ANOS1: variants seen among roughly 807,000 people sequenced by gnomAD.
The protein encoded by ANOS1 is anosmin 1, also known as anosmin-1.
In ANOS1, 6 loss-of-function variants were observed where a neutral mutation model predicts 59.0. That is an observed-to-expected ratio of 0.10 (90% confidence interval 0.06 to 0.20). The LOEUF (loss-of-function observed/expected upper bound fraction) is 0.20, where lower values mean the gene tolerates loss of function less well. ANOS1 is among the 10% of genes least tolerant of loss of function. The probability of loss-of-function intolerance (pLI) is 1.00; values close to 1 mark genes in which losing one functional copy is unlikely to be tolerated. For missense variants in ANOS1, 433 were observed against 542.3 expected (o/e 0.80, Z 2.00); for synonymous variants, 217 against 223.4 (o/e 0.97, Z 0.25).
At chrX:8,534,079 A>AGAGG (rs1225843968) in intron 13 of ANOS1, among the ~76,000 whole-genome samples, 1 of 108,791 alleles carries the variant, frequency 9.2e-6, no homozygotes, top group African/African-American at 3.3e-5. Context: ...AAAGCGGGGA[A>AGAGG]GAGGGAGGGA....
Position 8,529,167 on chromosome X carries a change from T to C in ANOS1, c.*3828A>G, listed in dbSNP as rs1601942362. ...ATCTGCACACTACAATATAATTAAG[T>C]AAAGGGGAAAAGTAACTTTATATAG... On this transcript the variant is annotated 3_prime_UTR_variant, in exon 14 of 14. Transcript: ENST00000262648. The C allele has an allele frequency of 9.0e-6, 1 of 110,934 alleles. No individual in the cohort carries two copies. The highest frequency in any genetic ancestry group is 3.8e-4 in the South Asian group (1 of 2,666). The allele number at this position is 110,934 out of a possible 1,213,427, so 9.1% of individuals were successfully genotyped here. A position where few individuals can be genotyped will look rare whatever the true frequency, so the allele number is the denominator to read the frequency against.
intron 2 of ANOS1, among the ~76,000 whole-genome samples, chrX:8,650,017 G>A (rs1378502433): frequency 8.9e-6 from 1 of 112,912 alleles, no homozygotes; most frequent in African/African-American, 3.2e-5. Flanking sequence ...AGAAGTGACA[G>A]GCTTTATATT....
At chrX:8,664,728 T>C (rs17316189) in intron 2 of ANOS1, among the ~76,000 whole-genome samples, 2,014 of 111,069 alleles carry the variant, frequency 0.018, 51 homozygotes, top group African/African-American at 0.063. Context: ...GACACAAGGG[T>C]ACCCCACGGT....
chrX:8,615,593 A>C (rs1356305684), intron 3 of ANOS1, among the ~76,000 whole-genome samples: 3 of 110,265 alleles, frequency 2.7e-5, no homozygotes, highest in Non-Finnish European at 5.7e-5. Flanking sequence ...TCTATGTGTC[A>C]GTCACTCCAG....
At chrX:8,711,693 T>G (rs969571920) in intron 1 of ANOS1, among the ~76,000 whole-genome samples, 1 of 112,593 alleles carries the variant, frequency 8.9e-6, no homozygotes, top group Non-Finnish European at 1.9e-5. Flanking sequence ...ACCTGGAGGT[T>G]GATTAATCCC....
At chrX:8,622,699 G>A (rs770271777) in intron 3 of ANOS1, among the ~76,000 whole-genome samples, 12 of 112,143 alleles carry the variant, frequency 1.1e-4, no homozygotes, top group Non-Finnish European at 2.3e-4. Context: ...CACTGTCCTT[G>A]GAATCCTTGG....
chrX:8,623,076 C>A (rs768489945), intron 3 of ANOS1, among the ~76,000 whole-genome samples: 6 of 86,673 alleles, frequency 6.9e-5, no homozygotes, highest in South Asian at 1.1e-3. Flanking sequence ...GGATGGCTTG[C>A]TGGCTGGCTG....
chrX:8,563,098 T>C (rs1010303422), intron 8 of ANOS1, among the ~76,000 whole-genome samples: 1 of 112,342 alleles, frequency 8.9e-6, no homozygotes, highest in African/African-American at 3.2e-5. Flanking sequence ...GTATCCTACA[T>C]AATCCGTTGA....
At chrX:8,594,727 C>CATATATAT (rs1930699288) in intron 4 of ANOS1, among the ~76,000 whole-genome samples, 2 of 38,103 alleles carry the variant, frequency 5.2e-5, no homozygotes, top group Admixed American at 3.1e-4. Flanking sequence ...TATATATCTA[C>CATATATAT]ATATATATGT....
intron 5 of ANOS1, 64 bp downstream of exon 5, chrX:8,587,730 G>A (rs1930542104): frequency 1.1e-6 from 1 of 920,617 alleles, no homozygotes; most frequent in Middle Eastern, 2.8e-4. Context: ...TTAATTTTTT[G>A]TGCGTAGCTA....
chrX:8,642,884 G>T (rs1171470196), intron 2 of ANOS1, among the ~76,000 whole-genome samples: 1 of 111,897 alleles, frequency 8.9e-6, no homozygotes, highest in African/African-American at 3.2e-5. Context: ...GAGCCATATA[G>T]CAGCAATTAC....
intron 4 of ANOS1, among the ~76,000 whole-genome samples, chrX:8,588,551 T>G (rs1930561676): frequency 8.9e-6 from 1 of 112,206 alleles, no homozygotes; most frequent in Non-Finnish European, 1.9e-5. Flanking sequence ...GTTCAAGTCT[T>G]TTGGATTCCG....
intron 3 of ANOS1, among the ~76,000 whole-genome samples, chrX:8,608,048 C>T (rs1293150369): frequency 8.9e-6 from 1 of 111,767 alleles, no homozygotes; most frequent in Non-Finnish European, 1.9e-5. Flanking sequence ...GAAACAAATA[C>T]AGCCTGTCCC....
chrX:8,710,016 C>T (rs1397450838), intron 1 of ANOS1, among the ~76,000 whole-genome samples: 1 of 111,242 alleles, frequency 9.0e-6, no homozygotes, highest in African/African-American at 3.3e-5. Context: ...CTGCAAGCTC[C>T]GTCTCCTGGG....
At chrX:8,567,823 AAACAAC>A (rs200740864) in intron 8 of ANOS1, among the ~76,000 whole-genome samples, 1 of 111,536 alleles carries the variant, frequency 9.0e-6, no homozygotes, top group Non-Finnish European at 1.9e-5. Flanking sequence ...AAACAAAACA[AAACAAC>A]AACAACAACA....
chrX:8,694,018 G>A (rs1162398790), intron 2 of ANOS1, among the ~76,000 whole-genome samples: 1 of 111,309 alleles, frequency 9.0e-6, no homozygotes, highest in African/African-American at 3.3e-5. Context: ...CACCGCCCCA[G>A]GCTGGAATAT....
At position 8,611,704 on chromosome X, in the gene ANOS1, TA is replaced by T. The variant is rs766817177; in HGVS notation, c.318+11903del. 9.6e-3 allele frequency among the ~76,000 whole-genome samples: 1,038 copies of T among 108,383 alleles called. 23 individuals are homozygous for T. Among genetic ancestry groups the T allele is most frequent in the African/African-American group, 0.03 (888 of 30,021 alleles). The allele number at this position is 108,383 out of a possible 115,157, so 94.1% of individuals were successfully genotyped here. A position where few individuals can be genotyped will look rare whatever the true frequency, so the allele number is the denominator to read the frequency against. On this transcript the variant is annotated intron_variant, in intron 3 of 13. Transcript: ENST00000262648. The stretch of plus-strand genomic sequence containing the variant: ...AAAGCAATATCTTTAAAATGCTATT[TA>T]AAAAAAAAATCAACTTAGAATTTTA...
chrX:8,731,990 A>T lies in ANOS1; in HGVS notation c.47T>A (p.Leu16Gln). The stretch of plus-strand genomic sequence containing the variant: ...CGCCAGGCAGCCGCTGGAGGCCGCC[A>T]GCCAGAGGCAGAGGGTCAGGACCGC... Reference protein sequence around the residue: ...PGAVLTLCLWLAASSGCLAAG... With the variant: ...PGAVLTLCLWQAASSGCLAAG... Residue 16 changes from leucine (L) to glutamine (Q), a missense_variant, in exon 1 of 14, where the codon CTG becomes CAG. Leu to Gln is a moderately radical substitution (Grantham distance 113). Transcript: ENST00000262648. 1 of 1,098,380 alleles carries T rather than the reference A, an allele frequency of 9.1e-7. No homozygotes were observed. Among genetic ancestry groups the T allele is most frequent in the Non-Finnish European group, 1.2e-6 (1 of 843,564 alleles). 90.5% of individuals were successfully genotyped at this position (1,098,380 alleles called of 1,213,427 possible).
chrX:8,532,646 C>T lies in ANOS1; in HGVS notation c.*349G>A. The T allele has an allele frequency of 5.9e-6, 1 of 168,851 alleles. No homozygotes were observed. The highest frequency in any genetic ancestry group is 1.1e-5 in the Non-Finnish European group (1 of 88,292). 13.9% of individuals were successfully genotyped at this position (168,851 alleles called of 1,213,427 possible). ...GTGTGAATTGTGTATTTGTTACTCT[C>T]CTTTTTGGGGCGGAGTTTGGTGCTC... On this transcript the variant is annotated 3_prime_UTR_variant, in exon 14 of 14. Coordinates refer to ENST00000262648, the MANE Select transcript of ANOS1 (RefSeq NM_000216.4).
Sources: gnomAD v4.1 joint callset for allele counts (sites outside exome capture counted in the v4.1 genomes callset) on GRCh38, gnomAD v4.1.1 for gene constraint, MANE v1.5 for transcripts, NCBI Gene and HGNC (gene_info 2026-07-23, HGNC 2026-07-21) for gene names.